DCDC1: variants seen among roughly 807,000 people sequenced by gnomAD.
DCDC1 encodes doublecortin domain-containing protein 1.
DCDC1 carries 200 observed loss-of-function variants against 178.3 expected under a neutral mutation model. The ratio of observed to expected loss-of-function variants is 1.12; its 90% CI spans 1.00 to 1.26. DCDC1 has a LOEUF of 1.26. Ranked by LOEUF, DCDC1 falls within the 50% of genes most tolerant of loss-of-function variation. The pLI is 0.00. For synonymous variants in DCDC1, 690 were observed against 604.8 expected, an observed-to-expected ratio of 1.14 and a Z score of -2.07; for missense variants, 1,983 against 1,749.2, an observed-to-expected ratio of 1.13 and a Z score of -2.38.
intron 20 of DCDC1, among the ~76,000 whole-genome samples, chr11:31,027,618 G>A (rs1294044258): frequency 6.6e-6 from 1 of 151,778 alleles, no homozygotes; most frequent in Non-Finnish European, 1.5e-5. Context: ...GCAACTTAGT[G>A]ACATCTTAAT....
intron 34 of DCDC1, 91 bp from the exon 35 acceptor site, chr11:30,894,475 C>T: frequency 1.3e-6 from 2 of 1,528,990 alleles, no homozygotes; most frequent in Non-Finnish European, 1.8e-6. Flanking sequence ...ATAAATCGTT[C>T]CACACAGGAG....
At chr11:31,086,785 G>A (rs1036512852) in intron 17 of DCDC1, among the ~76,000 whole-genome samples, 10 of 151,994 alleles carry the variant, frequency 6.6e-5, no homozygotes, top group East Asian at 3.9e-4. Context: ...TTTATAAATT[G>A]TTGTATTCCA....
chr11:31,305,870 A>G, intron 5 of DCDC1, 93 bp from the exon 6 acceptor site: 2 of 1,413,170 alleles, frequency 1.4e-6, no homozygotes, highest in Non-Finnish European at 1.9e-6. Context: ...TCAAAATAGA[A>G]ACCCAATTGA....
At chr11:30,877,707 T>C (rs1399584204) in intron 38 of DCDC1, among the ~76,000 whole-genome samples, 4 of 152,126 alleles carry the variant, frequency 2.6e-5, no homozygotes, top group East Asian at 3.9e-4. Context: ...CAGGTGAAAC[T>C]GATGAGAAAT....
chr11:31,183,500 T>G (rs1969098598), intron 9 of DCDC1, among the ~76,000 whole-genome samples: 2 of 152,200 alleles, frequency 1.3e-5, no homozygotes, highest in Non-Finnish European at 2.9e-5. Flanking sequence ...GACTACTGGG[T>G]GTTTGCAGAT....
intron 8 of DCDC1, among the ~76,000 whole-genome samples, chr11:31,251,514 T>C (rs1944030354): frequency 6.6e-6 from 1 of 151,958 alleles, no homozygotes; most frequent in Non-Finnish European, 1.5e-5. Context: ...GCATAGATTC[T>C]ATTGGATCTC....
intron 38 of DCDC1, 84 bp downstream of exon 38, chr11:30,878,460 G>T: frequency 2.4e-6 from 3 of 1,256,512 alleles, no homozygotes; most frequent in South Asian, 1.8e-5. Flanking sequence ...TCTCAGAAAA[G>T]AAAGAGGGGG....
At chr11:31,281,555 A>G (rs1286833025) in intron 7 of DCDC1, among the ~76,000 whole-genome samples, 1 of 152,004 alleles carries the variant, frequency 6.6e-6, no homozygotes, top group Admixed American at 6.6e-5. Flanking sequence ...GGTCAACTAC[A>G]TTGTCTGTTG....
Position 31,328,270 on chromosome 11 carries a change from G to A in DCDC1, c.11C>T (p.Thr4Ile). The change falls in exon 3 of 39, where the codon ACA becomes ATA. Residue 4 changes from threonine (T) to isoleucine (I), a missense_variant. Transcript: ENST00000684477. ...TGCTTCTCTGTGATCTTCTGCTCCT[G>A]TTTTTGCCATTTTCAGCTAAAAATG... is the stretch of plus-strand genomic sequence containing the variant. The part of the protein sequence containing the change: MAK[T>I]GAEDHREALS... 6.4e-7 allele frequency: 1 copy of A among 1,555,774 alleles called. No homozygotes were observed. Among genetic ancestry groups the A allele is most frequent in the Non-Finnish European group, 8.7e-7 (1 of 1,147,824 alleles).
At chr11:31,060,261 G>C (rs1241759062) in intron 20 of DCDC1, among the ~76,000 whole-genome samples, 1 of 151,980 alleles carries the variant, frequency 6.6e-6, no homozygotes, top group African/African-American at 2.4e-5. Flanking sequence ...TACAGCAATT[G>C]TAAAAATGTA....
intron 1 of DCDC1, among the ~76,000 whole-genome samples, chr11:31,343,467 T>C: frequency 6.6e-6 from 1 of 152,022 alleles, no homozygotes; most frequent in East Asian, 1.9e-4. Flanking sequence ...CCACCATGCC[T>C]GGCTAATTTT....
At chr11:31,228,903 G>A (rs1283400593) in intron 9 of DCDC1, among the ~76,000 whole-genome samples, 2 of 151,978 alleles carry the variant, frequency 1.3e-5, no homozygotes, top group Non-Finnish European at 2.9e-5. Flanking sequence ...AATACTGGAA[G>A]GGGGAAAGAG....
intron 20 of DCDC1, among the ~76,000 whole-genome samples, chr11:31,050,285 C>T (rs921468405): frequency 5.3e-5 from 8 of 152,210 alleles, no homozygotes; most frequent in African/African-American, 1.9e-4. Context: ...CCATAATCCT[C>T]CTAGGCACAC....
At chr11:31,358,960 A>C (rs1212190965) in intron 1 of DCDC1, among the ~76,000 whole-genome samples, 2 of 152,228 alleles carry the variant, frequency 1.3e-5, no homozygotes, top group African/African-American at 4.8e-5. Context: ...ATGTGGAGAA[A>C]TAGGAACACT....
intron 20 of DCDC1, among the ~76,000 whole-genome samples, chr11:30,973,623 G>C (rs958844249): frequency 2.0e-5 from 3 of 152,070 alleles, no homozygotes; most frequent in African/African-American, 7.2e-5. Flanking sequence ...TAAAACAGAC[G>C]TTGGTTTAAA....
chr11:31,162,383 A>G (rs1188129185), intron 9 of DCDC1, among the ~76,000 whole-genome samples: 1 of 152,144 alleles, frequency 6.6e-6, no homozygotes, highest in African/African-American at 2.4e-5. Flanking sequence ...GATGCATAAT[A>G]ACCATTTTAA....
intron 1 of DCDC1, among the ~76,000 whole-genome samples, chr11:31,338,990 T>C (rs1355610868): frequency 6.6e-6 from 1 of 152,302 alleles, no homozygotes; most frequent in East Asian, 1.9e-4. Context: ...CAATGTAAAC[T>C]TTTCTTAACA....
At chr11:31,075,339 A>T (rs1289609361) in intron 18 of DCDC1, among the ~76,000 whole-genome samples, 5 of 152,208 alleles carry the variant, frequency 3.3e-5, no homozygotes, top group Admixed American at 2.0e-4. Context: ...TGTGAATAGT[A>T]CTATGATAAA....
At chr11:30,945,697 A>AATCT (rs57930562) in intron 21 of DCDC1, among the ~76,000 whole-genome samples, 7,651 of 146,658 alleles carry the variant, frequency 0.052, 237 homozygotes, top group Middle Eastern at 0.073. Flanking sequence ...CCATCTCAAA[A>AATCT]ATCTATCTAT....
Sources: gnomAD v4.1 joint callset for allele counts (sites outside exome capture counted in the v4.1 genomes callset) on GRCh38, gnomAD v4.1.1 for gene constraint, MANE v1.5 for transcripts, NCBI Gene and HGNC (gene_info 2026-07-23, HGNC 2026-07-21) for gene names.